The following FRAS1 variants were observed in gnomAD, a reference collection of about 807,000 sequenced individuals.
FRAS1 encodes the protein extracellular matrix organizing protein FRAS1.
Under a neutral mutation model 435.2 loss-of-function variants are expected in FRAS1, and 290 were observed. The observed-to-expected ratio is 0.67, with a 90% confidence interval of 0.61 to 0.73. The LOEUF is 0.73. Ranked by LOEUF, FRAS1 falls within the 30% of genes least tolerant of loss-of-function variation. The pLI, the probability that FRAS1 is intolerant of heterozygous loss-of-function variation, is 0.00. For synonymous variants in FRAS1, 1,800 were observed against 1,851.0 expected, an observed-to-expected ratio of 0.97 and a Z score of 0.71; for missense variants, 4,860 against 5,001.5, an observed-to-expected ratio of 0.97 and a Z score of 0.85.
chr4:78,355,754 T>A (rs1730827597), intron 20 of FRAS1, among the ~76,000 whole-genome samples: 1 of 152,170 alleles, frequency 6.6e-6, no homozygotes, highest in Non-Finnish European at 1.5e-5. Flanking sequence ...CCTGTGAAAT[T>A]GTTTTCAGTA....
chr4:78,197,603 T>C (rs997751357), intron 2 of FRAS1, among the ~76,000 whole-genome samples: 5 of 151,972 alleles, frequency 3.3e-5, no homozygotes, highest in Non-Finnish European at 7.4e-5. Context: ...ATAGAGAAGG[T>C]TGGGCAAGGA....
intron 2 of FRAS1, among the ~76,000 whole-genome samples, chr4:78,116,096 T>C (rs1007493042): frequency 6.6e-6 from 1 of 152,206 alleles, no homozygotes; most frequent in Non-Finnish European, 1.5e-5. Context: ...TACCCAGTAG[T>C]CATTCAGGAG....
intron 4 of FRAS1, among the ~76,000 whole-genome samples, chr4:78,251,164 T>C (rs901362656): frequency 6.6e-5 from 10 of 152,212 alleles, no homozygotes; most frequent in Admixed American, 5.2e-4. Flanking sequence ...CCCTGTCTTT[T>C]ATTGGCCCAC....
In FRAS1 at chr4:78,196,076, C is replaced by T. The variant is rs376012154; in HGVS notation, c.109-41434C>T. Among the ~76,000 whole-genome samples the T allele has an allele frequency of 8.6e-5, 13 of 151,916 alleles. No individual in the cohort carries two copies. The East Asian group carries it at 1.9e-3, about 23-fold the overall frequency. Reference sequence around the variant, plus strand: ...AGGCTGGAGTGCAGTGGCAAGATCTCGGCTCATTGCAAGCTCCGCCTCCCG... The same window carrying T: ...AGGCTGGAGTGCAGTGGCAAGATCTTGGCTCATTGCAAGCTCCGCCTCCCG... On this transcript the variant is annotated intron_variant, in intron 2 of 73. Coordinates refer to ENST00000512123, the MANE Select transcript of FRAS1 (RefSeq NM_025074.7).
intron 7 of FRAS1, among the ~76,000 whole-genome samples, chr4:78,265,615 A>G (rs1726312131): frequency 6.6e-6 from 1 of 152,198 alleles, no homozygotes; most frequent in African/African-American, 2.4e-5. Context: ...CTGGATAACG[A>G]TGTGCCTAAC....
chr4:78,185,259 A>G (rs1047815223), intron 2 of FRAS1, among the ~76,000 whole-genome samples: 1 of 152,212 alleles, frequency 6.6e-6, no homozygotes, highest in African/African-American at 2.4e-5. Flanking sequence ...AAGCAAATAG[A>G]GTGAAAGGCA....
intron 2 of FRAS1, among the ~76,000 whole-genome samples, chr4:78,169,643 A>G (rs1721471271): frequency 6.6e-6 from 1 of 152,196 alleles, no homozygotes; most frequent in South Asian, 2.1e-4. Context: ...CTAGCAAAAT[A>G]TCAACAGAGG....
chr4:78,521,819 T>G (rs1721395896), intron 68 of FRAS1, among the ~76,000 whole-genome samples, 189 bp downstream of exon 68: 1 of 152,166 alleles, frequency 6.6e-6, no homozygotes, highest in African/African-American at 2.4e-5. Flanking sequence ...GTTGCAGACT[T>G]CGTGTCAAGT....
At chr4:78,444,168 T>G in intron 41 of FRAS1, 1 of 455,662 alleles carries the variant, frequency 2.2e-6, no homozygotes, top group Non-Finnish European at 4.4e-6. Context: ...ACTTGGGCCA[T>G]TTTTGACTCA....
At chr4:78,311,052 C>T (rs114070876) in intron 15 of FRAS1, among the ~76,000 whole-genome samples, 1,687 of 152,232 alleles carry the variant, frequency 0.011, 27 homozygotes, top group African/African-American at 0.037. Flanking sequence ...GAGGAAACCT[C>T]CTCATTCTTT....
chr4:78,161,122 G>A (rs1253884669), intron 2 of FRAS1, among the ~76,000 whole-genome samples: 2 of 151,712 alleles, frequency 1.3e-5, no homozygotes, highest in African/African-American at 4.8e-5. Flanking sequence ...CTGGGAGACA[G>A]AGTGAGACTC....
At chr4:78,529,495 A>G (rs1721647466) in intron 70 of FRAS1, among the ~76,000 whole-genome samples, 1 of 152,076 alleles carries the variant, frequency 6.6e-6, no homozygotes, top group Admixed American at 6.6e-5. Context: ...CACTAGGGTC[A>G]CCACTAACCT....
chr4:78,155,870 G>A (rs1720862214), intron 2 of FRAS1, among the ~76,000 whole-genome samples: 1 of 152,008 alleles, frequency 6.6e-6, no homozygotes, highest in Non-Finnish European at 1.5e-5. Context: ...GGCCATCAAT[G>A]GGATCTCTGT....
At chr4:78,354,428 C>A (rs994140520) in intron 20 of FRAS1, among the ~76,000 whole-genome samples, 18 of 152,090 alleles carry the variant, frequency 1.2e-4, no homozygotes, top group African/African-American at 4.3e-4. Flanking sequence ...TAACAGCTTA[C>A]GGGTGGGCTG....
intron 31 of FRAS1, among the ~76,000 whole-genome samples, chr4:78,408,775 A>T (rs1275407170): frequency 6.6e-6 from 1 of 152,244 alleles, no homozygotes; most frequent in Admixed American, 6.5e-5. Context: ...CCATTTATAA[A>T]AATTGGTCAA....
At chr4:78,418,419 A>G (rs1733634858) in intron 32 of FRAS1, among the ~76,000 whole-genome samples, 1 of 152,096 alleles carries the variant, frequency 6.6e-6, no homozygotes, top group Non-Finnish European at 1.5e-5. Context: ...TGGGGCGGAG[A>G]CTTCAATATC....
chr4:78,067,242 T>G (rs1304631342), intron 2 of FRAS1, among the ~76,000 whole-genome samples: 1 of 152,184 alleles, frequency 6.6e-6, no homozygotes, highest in Non-Finnish European at 1.5e-5. Flanking sequence ...TCCATACTCT[T>G]TCCCCTTTTA....
chr4:78,540,110 T>A (rs562201287), intron 73 of FRAS1, among the ~76,000 whole-genome samples: 1 of 152,378 alleles, frequency 6.6e-6, no homozygotes, highest in South Asian at 2.1e-4. Context: ...TTTTGTTGAA[T>A]GACTCCATTT....
At chr4:78,315,507 C>T in intron 15 of FRAS1, 87 bp from the exon 16 acceptor site, 1 of 1,308,386 alleles carries the variant, frequency 7.6e-7, no homozygotes, top group Non-Finnish European at 1.0e-6. Flanking sequence ...GATATTGATA[C>T]CCATTGTGGA....
Sources: allele counts gnomAD v4.1 joint callset (sites outside exome capture counted in the v4.1 genomes callset), GRCh38; gene constraint gnomAD v4.1.1; transcripts MANE v1.5; gene names NCBI Gene and HGNC (gene_info 2026-07-23, HGNC 2026-07-21).